The following PDE1A variants were observed in gnomAD, a reference collection of about 807,000 sequenced individuals.
PDE1A encodes the protein dual specificity calcium/calmodulin-dependent 3',5'-cyclic nucleotide phosphodiesterase 1A.
A neutral mutation model predicts 61.7 loss-of-function variants in PDE1A; 35 were observed. That is an observed-to-expected ratio of 0.57 (90% CI 0.43 to 0.75). PDE1A has a LOEUF of 0.75. PDE1A is among the 30% of genes least tolerant of loss of function. PDE1A has a pLI of 0.00. For missense variants in PDE1A, 597 were observed against 630.6 expected, an observed-to-expected ratio of 0.95 and a Z score of 0.57; for synonymous variants, 232 against 213.2, an observed-to-expected ratio of 1.09 and a Z score of -0.77.
chr2:182,607,101 C>T, the PDE1A span, among the ~76,000 whole-genome samples: 1 of 152,034 alleles, frequency 6.6e-6, no homozygotes. Context: ...AATTGGTCAA[C>T]CAGAAGCAGG....
rs75440362 is a variant in PDE1A, at chr2:182,482,702, G to A, written c.101+39574C>T. Among the ~76,000 whole-genome samples the A allele has an allele frequency of 3.3e-3, 507 of 152,012 alleles. 4 individuals are homozygous for A. In the East Asian group the frequency reaches 0.034, roughly 10 times the overall value. ...ATTATCCCCATCCACTGCCCTACTG[G>A]GTCAACATGGATATTTTACAATAGT... On this transcript the variant is annotated intron_variant, in intron 2 of 14. Coordinates refer to the PDE1A transcript ENST00000410103.
At chr2:182,409,623 G>C (rs563491285) in intron 1 of PDE1A, among the ~76,000 whole-genome samples, 1 of 152,114 alleles carries the variant, frequency 6.6e-6, no homozygotes, top group Non-Finnish European at 1.5e-5. Flanking sequence ...TTCCTGATGG[G>C]CCTGTGGGTG....
chr2:182,204,242 T>C (rs1467122966), intron 8 of PDE1A, among the ~76,000 whole-genome samples: 3 of 152,208 alleles, frequency 2.0e-5, no homozygotes, highest in African/African-American at 7.2e-5. Flanking sequence ...TTAGGAAATA[T>C]CTCAGAACTT....
At chr2:182,499,108 C>T (rs910489828) in intron 2 of PDE1A, among the ~76,000 whole-genome samples, 1 of 150,518 alleles carries the variant, frequency 6.6e-6, no homozygotes, top group Non-Finnish European at 1.5e-5. Flanking sequence ...CTGCCTCAGC[C>T]TTCCAAGTAG....
At chr2:182,560,266 G>C in the PDE1A span, among the ~76,000 whole-genome samples, 108 of 130,288 alleles carry the variant, frequency 8.3e-4, 2 homozygotes, top group African/African-American at 3.1e-3. Flanking sequence ...TCCTGTGTCC[G>C]TGTGTTCTCA....
At chr2:182,421,483 T>A (rs1000096053) in intron 1 of PDE1A, among the ~76,000 whole-genome samples, 2 of 152,214 alleles carry the variant, frequency 1.3e-5, no homozygotes, top group African/African-American at 2.4e-5. Flanking sequence ...AAGTTTTCTA[T>A]GAATTTTCCC....
At chr2:182,211,526 T>C (rs1376618502) in intron 7 of PDE1A, among the ~76,000 whole-genome samples, 1 of 152,210 alleles carries the variant, frequency 6.6e-6, no homozygotes, top group Admixed American at 6.5e-5. Flanking sequence ...ATACAAACTT[T>C]AGAATCACTT....
At chr2:182,669,030 C>T in the PDE1A span, among the ~76,000 whole-genome samples, 1 of 152,150 alleles carries the variant, frequency 6.6e-6, no homozygotes, top group East Asian at 1.9e-4. Context: ...TATTCTTGAC[C>T]ACAGCATATC....
chr2:182,567,336 T>G, the PDE1A span, among the ~76,000 whole-genome samples: 3 of 152,180 alleles, frequency 2.0e-5, no homozygotes, highest in Admixed American at 2.0e-4. Flanking sequence ...CTAAGGTAAT[T>G]CTTCAGAAAG....
rs567898473 is a variant in PDE1A, at chr2:182,445,067, G to C, written c.101+77209C>G. ...AATTATGTTTGGAAATGCATGATGT[G>C]ATGGTTGAGCATTCAGTGCGACTAA... On this transcript the variant is annotated intron_variant, in intron 2 of 14. Transcript: ENST00000410103. Among the ~76,000 whole-genome samples, 16 of 152,240 alleles carry C rather than the reference G, an allele frequency of 1.1e-4. 1 individual carries two copies. The South Asian group carries it at 3.1e-3, about 30-fold the overall frequency.
chr2:182,517,428 T>G (rs773100401), intron 2 of PDE1A, among the ~76,000 whole-genome samples: 1 of 152,210 alleles, frequency 6.6e-6, no homozygotes, highest in Non-Finnish European at 1.5e-5. Flanking sequence ...AATTTTCTAG[T>G]TACAGCCAGT....
At chr2:182,241,858 C>T in intron 2 of PDE1A, 1 of 1,548,096 alleles carries the variant, frequency 6.5e-7, no homozygotes, top group Non-Finnish European at 8.7e-7. Context: ...TTGATTTACC[C>T]CTAAAACACT....
intron 2 of PDE1A, among the ~76,000 whole-genome samples, chr2:182,515,966 G>C (rs1037613010): frequency 3.8e-5 from 5 of 133,304 alleles, no homozygotes; most frequent in Non-Finnish European, 6.4e-5. Flanking sequence ...GTGTGTGTGT[G>C]TGTGTGTGTG....
At chr2:182,625,880 C>T in the PDE1A span, among the ~76,000 whole-genome samples, 1 of 152,180 alleles carries the variant, frequency 6.6e-6, no homozygotes, top group African/African-American at 2.4e-5. Flanking sequence ...TATGCCATAA[C>T]ACTGGCATCT....
chr2:182,646,974 T>C, the PDE1A span, among the ~76,000 whole-genome samples: 3 of 152,176 alleles, frequency 2.0e-5, no homozygotes, highest in African/African-American at 7.2e-5. Context: ...TGCTGATAAT[T>C]GGATTCCAGT....
chr2:182,187,250 G>A (rs1685286039), intron 11 of PDE1A, among the ~76,000 whole-genome samples: 1 of 152,180 alleles, frequency 6.6e-6, no homozygotes, highest in African/African-American at 2.4e-5. Flanking sequence ...TGAGATGTCA[G>A]TACTGAATGA....
rs542622116 is a variant in PDE1A at position 182,224,355 on chromosome 2, T to C, written c.676-391A>G. The stretch of plus-strand genomic sequence containing the variant: ...ATTAAAATGTCTTTTAGCCCAAGTG[T>C]TGTAGAACAATCTACTATGAAAAAA... On this transcript the variant is annotated intron_variant, in intron 6 of 13. Transcript: ENST00000351439. 3.3e-5 allele frequency among the ~76,000 whole-genome samples: 5 copies of C among 152,024 alleles called. No individual in the cohort carries two copies. In the South Asian group the frequency reaches 1.0e-3, roughly 31 times the overall value.
intron 1 of PDE1A, among the ~76,000 whole-genome samples, chr2:182,306,670 C>T (rs1285071522): frequency 6.6e-6 from 1 of 152,102 alleles, no homozygotes; most frequent in Non-Finnish European, 1.5e-5. Context: ...CAAACATTTA[C>T]AGTCAATTGA....
intron 7 of PDE1A, among the ~76,000 whole-genome samples, chr2:182,207,475 A>G (rs189654082): frequency 6.6e-6 from 1 of 152,346 alleles, no homozygotes; most frequent in Non-Finnish European, 1.5e-5. Flanking sequence ...AGTGTTCAAG[A>G]TGTGGTTTGG....
Sources: allele counts gnomAD v4.1 joint callset (sites outside exome capture counted in the v4.1 genomes callset), GRCh38; gene constraint gnomAD v4.1.1; transcripts MANE v1.5; gene names NCBI Gene and HGNC (gene_info 2026-07-23, HGNC 2026-07-21).